Variants in DIP2B observed in about 807,000 individuals in gnomAD.
DIP2B encodes the protein DIP2 acetate--CoA ligase B (putative), also known as disco-interacting protein 2 homolog B.
In DIP2B, 76 loss-of-function variants were observed where a neutral mutation model predicts 198.0. That is an observed-to-expected ratio of 0.38 (90% CI 0.32 to 0.46). The LOEUF (loss-of-function observed/expected upper bound fraction) is 0.46, where lower values mean the gene tolerates loss of function less well. DIP2B is among the 20% of genes least tolerant of loss of function. DIP2B has a pLI of 0.99. For missense variants in DIP2B, 1,559 were observed against 1,978.4 expected (o/e 0.79, Z 4.02); for synonymous variants, 701 against 739.1 (o/e 0.95, Z 0.84).
At chr12:50,690,087 ATTTT>A (rs796347201) in intron 12 of DIP2B, among the ~76,000 whole-genome samples, 1 of 140,266 alleles carries the variant, frequency 7.1e-6, no homozygotes, top group African/African-American at 2.6e-5. Flanking sequence ...GGAACACTTA[ATTTT>A]TTTTTTTTTT....
chr12:50,739,294 G>T, intron 35 of DIP2B, 115 bp from the exon 36 acceptor site: 1 of 1,178,640 alleles, frequency 8.5e-7, no homozygotes, highest in Non-Finnish European at 1.2e-6. Flanking sequence ...TATTGATGCA[G>T]TTGTGTTGTT....
chr12:50,737,221 G>A, intron 35 of DIP2B, 111 bp downstream of exon 35: 1 of 995,622 alleles, frequency 1.0e-6, no homozygotes, highest in East Asian at 2.6e-5. Context: ...GTTGTGAATG[G>A]AGTTAATTTT....
At chr12:50,556,126 T>C (rs1003540479) in intron 1 of DIP2B, among the ~76,000 whole-genome samples, 1 of 152,166 alleles carries the variant, frequency 6.6e-6, no homozygotes, top group Admixed American at 6.5e-5. Context: ...CGACGCTCAC[T>C]GTAAGCTCTG....
rs1263614365 is a variant in DIP2B at position 50,745,445 on chromosome 12, G to C, written c.*606G>C. On this transcript the variant is annotated 3_prime_UTR_variant, in exon 38 of 38. Coordinates refer to ENST00000301180, the MANE Select transcript of DIP2B (RefSeq NM_173602.3). ...AACTAGAGATTTGAAGAATTGGCTTGTATAGTTATAACAACCACAGTAGAA... is the reference window on the plus strand; with the variant it reads ...AACTAGAGATTTGAAGAATTGGCTTCTATAGTTATAACAACCACAGTAGAA... 6.5e-6 allele frequency: 1 copy of C among 152,984 alleles called. No individual in the cohort carries two copies. The highest frequency in any genetic ancestry group is 1.5e-5 in the Non-Finnish European group (1 of 68,410). 9.5% of individuals were successfully genotyped at this position (152,984 alleles called of 1,614,324 possible).
chr12:50,535,323 T>C (rs1958253682), intron 1 of DIP2B, among the ~76,000 whole-genome samples: 1 of 151,792 alleles, frequency 6.6e-6, no homozygotes, highest in Non-Finnish European at 1.5e-5. Context: ...CCTAGCACTT[T>C]GGGAGGCCAA....
At chr12:50,689,123 C>T (rs768725334) in intron 12 of DIP2B, among the ~76,000 whole-genome samples, 1 of 152,048 alleles carries the variant, frequency 6.6e-6, no homozygotes, top group Non-Finnish European at 1.5e-5. Context: ...AAGGGCTGGG[C>T]GCAGTGGCTC....
chr12:50,637,219 G>A (rs1306927452), intron 2 of DIP2B, among the ~76,000 whole-genome samples: 1 of 152,156 alleles, frequency 6.6e-6, no homozygotes, highest in Non-Finnish European at 1.5e-5. Context: ...TAATGAGATG[G>A]TAATAGGCAA....
chr12:50,599,573 G>A (rs1958918185), intron 1 of DIP2B, among the ~76,000 whole-genome samples: 1 of 152,080 alleles, frequency 6.6e-6, no homozygotes, highest in Admixed American at 6.6e-5. Flanking sequence ...CCGAGATTGC[G>A]CCATTGCACT....
intron 3 of DIP2B, among the ~76,000 whole-genome samples, chr12:50,658,467 G>T (rs1389013215): frequency 1.3e-5 from 2 of 151,938 alleles, no homozygotes; most frequent in Non-Finnish European, 2.9e-5. Flanking sequence ...AATGTCCTGG[G>T]GTTATATAAG....
At chr12:50,613,213 T>C (rs899629590) in intron 1 of DIP2B, among the ~76,000 whole-genome samples, 6 of 152,230 alleles carry the variant, frequency 3.9e-5, no homozygotes, top group African/African-American at 1.4e-4. Context: ...TTAATTTCCC[T>C]GTGTCTCACT....
At chr12:50,696,029 G>A (rs113565577) in intron 16 of DIP2B, 62 bp downstream of exon 16, 146 of 1,606,298 alleles carry the variant, frequency 9.1e-5, no homozygotes, top group Non-Finnish European at 1.1e-4. Flanking sequence ...AGGGTTTTTC[G>A]CCCTGTACTA....
intron 1 of DIP2B, among the ~76,000 whole-genome samples, chr12:50,508,483 T>C (rs1957986766): frequency 6.6e-6 from 1 of 152,206 alleles, no homozygotes; most frequent in Admixed American, 6.5e-5. Context: ...TGAGCTTTAC[T>C]AAACTTCACT....
intron 22 of DIP2B, among the ~76,000 whole-genome samples, chr12:50,713,956 G>A (rs543298721): frequency 6.6e-6 from 1 of 152,142 alleles, no homozygotes; most frequent in Non-Finnish European, 1.5e-5. Flanking sequence ...TTTTAAATTA[G>A]CCAGACGCAG....
intron 1 of DIP2B, among the ~76,000 whole-genome samples, chr12:50,624,620 C>T (rs1937896268): frequency 6.6e-6 from 1 of 152,234 alleles, no homozygotes. Context: ...GCATGAGCCA[C>T]TGCACCTGGC....
intron 37 of DIP2B, 103 bp from the exon 38 acceptor site, chr12:50,744,484 T>G: frequency 6.6e-7 from 1 of 1,505,412 alleles, no homozygotes; most frequent in Non-Finnish European, 9.1e-7. Flanking sequence ...CTGGTTGGGA[T>G]TGAGGGGAGA....
intron 35 of DIP2B, 94 bp downstream of exon 35, chr12:50,737,204 T>A: frequency 8.2e-7 from 1 of 1,221,642 alleles, no homozygotes; most frequent in Non-Finnish European, 1.2e-6. Context: ...GGATTTAGCT[T>A]TCCCCCGTTG....
At position 50,739,576 on chromosome 12, in the gene DIP2B, G is replaced by C; in HGVS notation, c.4344G>C (p.Ala1448=). ...LGFVRRTELT[A]ATGERHDALY... is the part of the protein sequence containing the mutation. ...TTGTCCGCCGGACCGAGCTCACAGC[G>C]GCCACTGGAGGTACTTCTGCAACAA... is the stretch of plus-strand genomic sequence containing the variant. The change falls in exon 36 of 38, where the codon GCG becomes GCC. Residue 1448 remains alanine, a synonymous_variant. Coordinates refer to ENST00000301180, the MANE Select transcript of DIP2B (RefSeq NM_173602.3). 1 of 1,613,464 alleles carries C rather than the reference G, an allele frequency of 6.2e-7. No individual in the cohort carries two copies. Among genetic ancestry groups the C allele is most frequent in the Non-Finnish European group, 8.5e-7 (1 of 1,179,480 alleles).
chr12:50,731,360 T>A lies in DIP2B; in HGVS notation c.3642-9T>A. 1 of 1,611,576 alleles carries A rather than the reference T, an allele frequency of 6.2e-7. No individual in the cohort carries two copies. The highest frequency in any genetic ancestry group is 2.2e-5 in the East Asian group (1 of 44,874). On this transcript the variant is annotated splice_polypyrimidine_tract_variant and intron_variant, in intron 30 of 37. Coordinates refer to ENST00000301180, the MANE Select transcript of DIP2B (RefSeq NM_173602.3). ...TTGATGATTCCAGCTCTTGTCTCTT[T>A]CACTGCAGTGTCTATTCAGGCCACC...
chr12:50,743,186 G>A (rs1421874833), intron 37 of DIP2B, among the ~76,000 whole-genome samples: 4 of 151,974 alleles, frequency 2.6e-5, no homozygotes, highest in African/African-American at 4.8e-5. Flanking sequence ...GGGTTCAAGC[G>A]ATTCTTCTGC....
Sources: allele counts gnomAD v4.1 joint callset (sites outside exome capture counted in the v4.1 genomes callset), GRCh38; gene constraint gnomAD v4.1.1; transcripts MANE v1.5; gene names NCBI Gene and HGNC (gene_info 2026-07-23, HGNC 2026-07-21).